The following RPTOR variants were observed in gnomAD, a reference collection of about 807,000 sequenced individuals.
RPTOR encodes regulatory-associated protein of mTOR.
RPTOR carries 21 observed loss-of-function variants against 169.9 expected under a neutral mutation model. The observed-to-expected ratio is 0.12, with a 90% CI of 0.09 to 0.18. The LOEUF (loss-of-function observed/expected upper bound fraction) is 0.18, where lower values mean the gene tolerates loss of function less well. Ranked by LOEUF, RPTOR falls within the 10% of genes least tolerant of loss-of-function variation. RPTOR has a pLI of 1.00. For missense variants in RPTOR, 1,133 were observed against 1,855.9 expected, an observed-to-expected ratio of 0.61 and a Z score of 7.16; for synonymous variants, 732 against 753.2, an observed-to-expected ratio of 0.97 and a Z score of 0.46.
chr17:80,547,912 G>A (rs2084296439), intron 1 of RPTOR, among the ~76,000 whole-genome samples: 1 of 152,136 alleles, frequency 6.6e-6, no homozygotes, highest in Admixed American at 6.6e-5. Flanking sequence ...CATAACTGAA[G>A]GGGCAACTGG....
chr17:80,909,364 A>C (rs6565489), intron 21 of RPTOR, among the ~76,000 whole-genome samples: 75,700 of 151,656 alleles, frequency 0.5, 19,305 homozygotes, highest in Middle Eastern at 0.55. Flanking sequence ...TACAAGCGTG[A>C]GCCACTGCAC....
At chr17:80,919,741 T>A (rs752427550) in intron 21 of RPTOR, among the ~76,000 whole-genome samples, 1 of 152,208 alleles carries the variant, frequency 6.6e-6, no homozygotes, top group Non-Finnish European at 1.5e-5. Context: ...AGCATTCGAC[T>A]GTTAGCAAAG....
chr17:80,809,213 A>G (rs1318465733), intron 7 of RPTOR, among the ~76,000 whole-genome samples: 1 of 152,060 alleles, frequency 6.6e-6, no homozygotes, highest in Non-Finnish European at 1.5e-5. Flanking sequence ...ATTTTTTGAG[A>G]TGGCGTCTCA....
At chr17:80,606,052 C>A (rs1472644862) in intron 1 of RPTOR, among the ~76,000 whole-genome samples, 1 of 152,166 alleles carries the variant, frequency 6.6e-6, no homozygotes, top group Non-Finnish European at 1.5e-5. Flanking sequence ...CGCTCTGTCG[C>A]CCAGGCTGGA....
At chr17:80,756,004 A>G (rs2143344168) in intron 6 of RPTOR, among the ~76,000 whole-genome samples, 1 of 152,372 alleles carries the variant, frequency 6.6e-6, no homozygotes, top group Middle Eastern at 3.4e-3. Context: ...AATACATACA[A>G]TCAAAGAAAT....
At chr17:80,848,993 G>T (rs1410458119) in intron 11 of RPTOR, among the ~76,000 whole-genome samples, 1 of 152,196 alleles carries the variant, frequency 6.6e-6, no homozygotes, top group Admixed American at 6.5e-5. Context: ...TCCCTCTGGA[G>T]GGTCTGTTTC....
chr17:80,933,363 T>A (rs968104244), intron 24 of RPTOR, among the ~76,000 whole-genome samples: 1 of 152,048 alleles, frequency 6.6e-6, no homozygotes, highest in African/African-American at 2.4e-5. Context: ...AAAAATGCAA[T>A]CAAGAAAACA....
At chr17:80,571,361 A>G (rs995908537) in intron 1 of RPTOR, among the ~76,000 whole-genome samples, 5 of 152,136 alleles carry the variant, frequency 3.3e-5, no homozygotes, top group African/African-American at 4.8e-5. Context: ...ATCTATTTAC[A>G]ATTCCATCAG....
At chr17:80,801,628 G>T (rs1483717360) in intron 7 of RPTOR, 1 of 152,206 alleles carries the variant, frequency 6.6e-6, no homozygotes, top group Non-Finnish European at 1.5e-5. Flanking sequence ...ACTATCAAAA[G>T]ATCCCAGTCT....
chr17:80,596,212 A>C (rs1196984098), intron 1 of RPTOR, among the ~76,000 whole-genome samples: 1 of 152,206 alleles, frequency 6.6e-6, no homozygotes, highest in Non-Finnish European at 1.5e-5. Flanking sequence ...TCATGCTCAC[A>C]TTTTCCTGGT....
At chr17:80,914,472 G>A (rs1026788007) in intron 21 of RPTOR, among the ~76,000 whole-genome samples, 3 of 152,210 alleles carry the variant, frequency 2.0e-5, no homozygotes, top group African/African-American at 7.2e-5. Context: ...TGCAGCTGCA[G>A]CCACCCGGCA....
chr17:80,745,604 A>G (rs1397954083), intron 5 of RPTOR, among the ~76,000 whole-genome samples: 1 of 152,218 alleles, frequency 6.6e-6, no homozygotes, highest in African/African-American at 2.4e-5. Flanking sequence ...CTATTAATAG[A>G]GTTGGATAAG....
At chr17:80,689,357 T>A (rs924760745) in intron 3 of RPTOR, among the ~76,000 whole-genome samples, 2 of 152,238 alleles carry the variant, frequency 1.3e-5, no homozygotes, top group Non-Finnish European at 2.9e-5. Flanking sequence ...GTTCTAGGTG[T>A]AGCAGGGGCG....
intron 3 of RPTOR, among the ~76,000 whole-genome samples, chr17:80,684,207 T>G (rs1254483859): frequency 1.3e-5 from 2 of 152,184 alleles, no homozygotes; most frequent in Non-Finnish European, 2.9e-5. Context: ...GTTTGTATTC[T>G]GTTCCGTTGC....
intron 6 of RPTOR, chr17:80,774,061 A>G (rs2066870117): frequency 3.0e-6 from 3 of 985,284 alleles, no homozygotes; most frequent in Non-Finnish European, 3.6e-6. Context: ...TCTTCGTTGA[A>G]AGAAGCACTG....
intron 1 of RPTOR, chr17:80,593,620 G>A (rs1027961047): frequency 2.6e-5 from 4 of 153,536 alleles, no homozygotes; most frequent in African/African-American, 9.6e-5. Flanking sequence ...TTTTCTTCCT[G>A]TGCTTCAGTT....
At chr17:80,743,653 C>T (rs981660639) in intron 5 of RPTOR, among the ~76,000 whole-genome samples, 19 of 147,712 alleles carry the variant, frequency 1.3e-4, no homozygotes, top group Non-Finnish European at 1.9e-4. Flanking sequence ...ACTTTGCCCT[C>T]GGCAGCAAGG....
intron 11 of RPTOR, among the ~76,000 whole-genome samples, chr17:80,853,635 C>T (rs2067819289): frequency 6.6e-6 from 1 of 152,166 alleles, no homozygotes. Flanking sequence ...CACATGCCTT[C>T]CAGCATAGCC....
rs943259312 is a variant in RPTOR at position 80,897,196 on chromosome 17, C to T, written c.2401+3331C>T. Among the ~76,000 whole-genome samples the T allele has an allele frequency of 7.3e-5, 11 of 150,898 alleles. No individual in the cohort carries two copies. The South Asian group carries it at 1.3e-3, about 17-fold the overall frequency. ...CCGGGGAGGCGGAGGTTGCAGTGAGCGGAGATCACACCACTGCACTCCAGC... is the reference window on the plus strand; with the variant it reads ...CCGGGGAGGCGGAGGTTGCAGTGAGTGGAGATCACACCACTGCACTCCAGC... On this transcript the variant is annotated intron_variant, in intron 20 of 33. Transcript: ENST00000306801.
Sources: gnomAD v4.1 joint callset for allele counts (sites outside exome capture counted in the v4.1 genomes callset) on GRCh38, gnomAD v4.1.1 for gene constraint, MANE v1.5 for transcripts, NCBI Gene and HGNC (gene_info 2026-07-23, HGNC 2026-07-21) for gene names.